Variants in CALN1 observed in about 807,000 individuals in gnomAD.
CALN1 encodes calcium-binding protein 8.
A neutral mutation model predicts 30.6 loss-of-function variants in CALN1; 17 were observed. The observed-to-expected ratio is 0.56, with a 90% confidence interval of 0.38 to 0.83. The LOEUF (loss-of-function observed/expected upper bound fraction) is 0.83. Among genes scored for constraint, CALN1 ranks in the 40% least tolerant of loss-of-function variants. CALN1 has a pLI of 0.00. For missense variants in CALN1, 291 were observed against 354.9 expected (o/e 0.82, Z 1.45); for synonymous variants, 156 against 131.4 (o/e 1.19, Z -1.28).
intron 3 of CALN1, among the ~76,000 whole-genome samples, chr7:72,197,526 A>G (rs1457952377): frequency 6.6e-6 from 1 of 152,080 alleles, no homozygotes; most frequent in Non-Finnish European, 1.5e-5. Flanking sequence ...CTGGTGTTAC[A>G]TTATGGCCGA....
At chr7:72,463,601 C>T in the CALN1 span, among the ~76,000 whole-genome samples, 1 of 152,062 alleles carries the variant, frequency 6.6e-6, no homozygotes, top group Non-Finnish European at 1.5e-5. Context: ...ACTCTGTCTC[C>T]CAGATTGGAG....
intron 4 of CALN1, among the ~76,000 whole-genome samples, chr7:72,087,871 TGA>T: frequency 6.6e-6 from 1 of 152,072 alleles, no homozygotes; most frequent in East Asian, 1.9e-4. Flanking sequence ...GTCTAAAAAT[TGA>T]GAGTGTACGC....
chr7:72,327,352 G>T (rs1361212636), intron 2 of CALN1, among the ~76,000 whole-genome samples: 1 of 152,168 alleles, frequency 6.6e-6, no homozygotes, highest in African/African-American at 2.4e-5. Flanking sequence ...AATTAGGTGT[G>T]GTGACACGTG....
chr7:72,381,715 G>A (rs934529758), intron 2 of CALN1, among the ~76,000 whole-genome samples: 1 of 152,204 alleles, frequency 6.6e-6, no homozygotes, highest in Non-Finnish European at 1.5e-5. Context: ...ATGGGGGCAA[G>A]GGGAGGGAGA....
the CALN1 span, among the ~76,000 whole-genome samples, chr7:72,458,116 A>G: frequency 1.1e-5 from 1 of 93,626 alleles, no homozygotes; most frequent in Non-Finnish European, 2.5e-5. Flanking sequence ...GGTTAAAATG[A>G]AAATTGGTTT....
chr7:72,418,580 T>C (rs1197657683), intron 1 of CALN1, among the ~76,000 whole-genome samples: 1 of 152,160 alleles, frequency 6.6e-6, no homozygotes, highest in Non-Finnish European at 1.5e-5. Flanking sequence ...CTCAGCCATA[T>C]ATTCACCACT....
At chr7:72,225,447 C>T (rs1049093438) in intron 3 of CALN1, among the ~76,000 whole-genome samples, 2 of 152,024 alleles carry the variant, frequency 1.3e-5, no homozygotes, top group African/African-American at 2.4e-5. Context: ...AAGAAGTGAG[C>T]AGGGCTTTCC....
chr7:71,971,348 G>GC (rs1391631059), intron 5 of CALN1, among the ~76,000 whole-genome samples: 1 of 152,280 alleles, frequency 6.6e-6, no homozygotes, highest in African/African-American at 2.4e-5. Context: ...TACTTGGGAG[G>GC]CTGAGGCAGG....
chr7:72,172,558 C>T (rs1789044522), intron 3 of CALN1, among the ~76,000 whole-genome samples: 1 of 152,200 alleles, frequency 6.6e-6, no homozygotes. Flanking sequence ...TTAAACCAGT[C>T]ATCTACAGAA....
intron 3 of CALN1, among the ~76,000 whole-genome samples, chr7:72,258,126 A>T (rs557462531): frequency 3.6e-4 from 48 of 133,014 alleles, no homozygotes; most frequent in East Asian, 1.2e-3. Context: ...TGAATTTTTT[A>T]AAAAAAAACT....
the CALN1 span, among the ~76,000 whole-genome samples, chr7:72,482,657 T>C: frequency 1.3e-5 from 2 of 152,186 alleles, no homozygotes; most frequent in Non-Finnish European, 2.9e-5. Context: ...TTGACTATTG[T>C]TGTCATATAC....
chr7:72,436,676 C>T (rs1011053397), intron 1 of CALN1, among the ~76,000 whole-genome samples: 6 of 152,106 alleles, frequency 3.9e-5, no homozygotes, highest in African/African-American at 1.4e-4. Flanking sequence ...AGTCTAGCTG[C>T]TCTCACTCCC....
intron 3 of CALN1, among the ~76,000 whole-genome samples, chr7:72,245,562 G>A (rs1795103683): frequency 1.3e-5 from 2 of 151,022 alleles, no homozygotes; most frequent in South Asian, 2.1e-4. Context: ...AGGTTGCAGT[G>A]AGCCGAGATT....
rs1318148774 is a variant in CALN1, at chr7:72,150,228, G to A, written c.245-43934C>T. On this transcript the variant is annotated intron_variant, in intron 3 of 6. Coordinates refer to ENST00000395275, the MANE Select transcript of CALN1 (RefSeq NM_031468.4). Reference sequence around the variant, plus strand: ...GAATCTTTTGCATATGCAAGATGGAGCCCAAGTTCCAATTTGCTTGAGGGG... The same window carrying A: ...GAATCTTTTGCATATGCAAGATGGAACCCAAGTTCCAATTTGCTTGAGGGG... Among the ~76,000 whole-genome samples, 4 of 152,080 alleles carry A rather than the reference G, an allele frequency of 2.6e-5. No homozygotes were observed. The East Asian group carries it at 5.8e-4, about 22-fold the overall frequency.
chr7:72,006,429 G>A (rs960699566), intron 5 of CALN1, among the ~76,000 whole-genome samples: 1 of 152,062 alleles, frequency 6.6e-6, no homozygotes, highest in African/African-American at 2.4e-5. Flanking sequence ...ATAATATGGG[G>A]CCACTGAACT....
At chr7:72,108,807 A>G (rs529606186) in intron 3 of CALN1, among the ~76,000 whole-genome samples, 2 of 152,324 alleles carry the variant, frequency 1.3e-5, no homozygotes, top group South Asian at 2.1e-4. Context: ...CAAGCTAGAT[A>G]TATCAGCCTC....
At chr7:72,165,861 A>G (rs986239954) in intron 3 of CALN1, among the ~76,000 whole-genome samples, 2 of 152,042 alleles carry the variant, frequency 1.3e-5, no homozygotes, top group South Asian at 2.1e-4. Flanking sequence ...ATTGCACTGC[A>G]TTTTATCAAT....
chr7:71,923,219 C>T (rs949525167), intron 5 of CALN1, among the ~76,000 whole-genome samples: 4 of 152,106 alleles, frequency 2.6e-5, no homozygotes, highest in Non-Finnish European at 4.4e-5. Flanking sequence ...ACCCTTTATG[C>T]TCATTTGTTC....
At chr7:71,989,522 G>A (rs778929872) in intron 5 of CALN1, among the ~76,000 whole-genome samples, 3 of 151,574 alleles carry the variant, frequency 2.0e-5, no homozygotes, top group Non-Finnish European at 4.4e-5. Flanking sequence ...TAATTCAGCC[G>A]TGTGTCTGAG....
Sources: allele counts gnomAD v4.1 joint callset (sites outside exome capture counted in the v4.1 genomes callset), GRCh38; gene constraint gnomAD v4.1.1; transcripts MANE v1.5; gene names NCBI Gene and HGNC (gene_info 2026-07-23, HGNC 2026-07-21).